Variants in CCDC149 observed in about 807,000 individuals in gnomAD.
CCDC149 encodes coiled-coil domain-containing protein 149.
A neutral mutation model predicts 59.9 loss-of-function variants in CCDC149; 45 were observed. The observed-to-expected ratio is 0.75, with a 90% confidence interval of 0.59 to 0.96. The LOEUF (loss-of-function observed/expected upper bound fraction) is 0.96. CCDC149 is among the 40% of genes least tolerant of loss of function. CCDC149 has a pLI of 0.00. For missense variants in CCDC149, 584 were observed against 664.7 expected (o/e 0.88, Z 1.33); for synonymous variants, 245 against 260.6 (o/e 0.94, Z 0.58).
Position 24,891,404 on chromosome 4 carries a change from A to C in CCDC149, c.64-14707T>G, listed in dbSNP as rs182174065. 1.4e-4 allele frequency among the ~76,000 whole-genome samples: 22 copies of C among 152,280 alleles called. No homozygotes were observed. The East Asian group carries it at 2.9e-3, about 20-fold the overall frequency. On this transcript the variant is annotated intron_variant, in intron 1 of 12. Coordinates refer to ENST00000635206, the MANE Select transcript of CCDC149 (RefSeq NM_001330643.2). ...AGGCTCCCATGGGTGACCCAAATTA[A>C]TTATGGCTTTCTGGGAAAATGGCAA...
chr4:24,973,750 C>G (rs541604096), intron 1 of CCDC149, among the ~76,000 whole-genome samples: 2 of 152,358 alleles, frequency 1.3e-5, no homozygotes, highest in Admixed American at 1.3e-4. Context: ...CCGGTCTGAA[C>G]TGAGTTTTGT....
chr4:24,819,240 C>A (rs1715203279), intron 12 of CCDC149, among the ~76,000 whole-genome samples: 1 of 152,242 alleles, frequency 6.6e-6, no homozygotes. Flanking sequence ...GAAACTGAGG[C>A]TGAAGTCTCC....
intron 1 of CCDC149, among the ~76,000 whole-genome samples, chr4:24,886,308 G>C (rs1006142292): frequency 5.3e-5 from 8 of 152,220 alleles, no homozygotes; most frequent in African/African-American, 1.4e-4. Flanking sequence ...CCAACCACCA[G>C]GTCTTGTTGC....
At chr4:24,911,788 C>G (rs1721885713) in intron 1 of CCDC149, among the ~76,000 whole-genome samples, 1 of 152,164 alleles carries the variant, frequency 6.6e-6, no homozygotes, top group Non-Finnish European at 1.5e-5. Context: ...GACCTGGAGA[C>G]CCAGAAAACG....
At chr4:24,852,943 A>G (rs1347072748) in intron 4 of CCDC149, 129 bp downstream of exon 4, 4 of 658,964 alleles carry the variant, frequency 6.1e-6, no homozygotes, top group Middle Eastern at 2.5e-4. Context: ...GCGAATTTTC[A>G]TTATAAATTT....
rs187591705 is a variant in CCDC149, at chr4:24,886,447, G to C, written c.64-9750C>G. Among the ~76,000 whole-genome samples the C allele has an allele frequency of 1.7e-4, 26 of 152,326 alleles. No homozygotes were observed. The East Asian group carries it at 4.6e-3, about 27-fold the overall frequency. On this transcript the variant is annotated intron_variant, in intron 1 of 12. Coordinates refer to ENST00000635206, the MANE Select transcript of CCDC149 (RefSeq NM_001330643.2). ...TCTCCAACAGCCTAAAGCAGATCAT[G>C]AGGAGTCTTTGCCTGGGCATCTGTC...
At chr4:24,804,171 G>A (rs192388284), downstream of CCDC149, among the ~76,000 whole-genome samples, 1 of 152,242 alleles carries the variant, frequency 6.6e-6, no homozygotes, top group East Asian at 1.9e-4. Flanking sequence ...TGAAAGCAGA[G>A]GAAGAAGGTA....
chr4:24,925,454 C>T (rs561741237), intron 1 of CCDC149, among the ~76,000 whole-genome samples: 1 of 152,264 alleles, frequency 6.6e-6, no homozygotes, highest in African/African-American at 2.4e-5. Flanking sequence ...TGTCTCTGTT[C>T]CTGTCCATCA....
Position 24,808,401 on chromosome 4 carries a change from G to A in CCDC149, c.1611C>T (p.Thr537=), listed in dbSNP as rs1053953799. ...ATCCCTCTCCCCTTCAGGTTTTCAC[G>A]GTGCTCCTCATGCCTCCGCCCTCTG... The change falls in exon 13 of 13, where the codon ACC becomes ACT. Residue 537 remains threonine, a synonymous_variant. Transcript: ENST00000635206. 1.1e-5 allele frequency: 16 copies of A among 1,448,910 alleles called. No homozygotes were observed. Among genetic ancestry groups the A allele is most frequent in the African/African-American group, 5.7e-5 (4 of 69,698 alleles). 89.8% of individuals were successfully genotyped at this position (1,448,910 alleles called of 1,614,324 possible).
intron 3 of CCDC149, among the ~76,000 whole-genome samples, chr4:24,862,777 G>A (rs1718461770): frequency 6.6e-6 from 1 of 152,106 alleles, no homozygotes; most frequent in South Asian, 2.1e-4. Flanking sequence ...ATCACTCAAA[G>A]CCCAAATCCC....
Position 24,853,135 on chromosome 4 carries a change from T to A in CCDC149, c.309A>T (p.Lys103Asn), listed in dbSNP as rs138212597. The change falls in exon 4 of 13, where the codon AAA (lysine) becomes AAT (asparagine). Residue 103 changes from lysine (K) to asparagine (N), a missense_variant. Transcript: ENST00000635206. ...GTTCTTTAATTTCTTCTCCCAGATGTTTATTTCGGTCCTGAGAATCTCTCA... is the reference window on the plus strand; with the variant it reads ...GTTCTTTAATTTCTTCTCCCAGATGATTATTTCGGTCCTGAGAATCTCTCA... 372 of 1,613,908 alleles carry A rather than the reference T, an allele frequency of 2.3e-4. 1 individual carries two copies. The African/African-American group carries it at 3.0e-3, about 13-fold the overall frequency.
intron 1 of CCDC149, 46 bp from the exon 2 acceptor site, chr4:24,876,743 G>T: frequency 1.3e-6 from 2 of 1,552,368 alleles, no homozygotes; most frequent in South Asian, 1.2e-5. Flanking sequence ...ACATCCATGG[G>T]CCTCCATTAA....
At chr4:24,960,729 G>C (rs1272263993) in intron 1 of CCDC149, among the ~76,000 whole-genome samples, 1 of 152,024 alleles carries the variant, frequency 6.6e-6, no homozygotes, top group Admixed American at 6.5e-5. Context: ...TTTAAGCTTC[G>C]AATAACAGAG....
At chr4:24,822,369 T>C (rs934865436) in intron 10 of CCDC149, 128 bp downstream of exon 10, 2 of 516,536 alleles carry the variant, frequency 3.9e-6, no homozygotes, top group African/African-American at 2.0e-5. Context: ...AGCAATGATC[T>C]ACTTTAAATA....
At chr4:24,873,857 A>ATAT in intron 2 of CCDC149, 138 bp from the exon 3 acceptor site, 6 of 633,972 alleles carry the variant, frequency 9.5e-6, no homozygotes, top group Non-Finnish European at 1.4e-5. Flanking sequence ...GTGCTGAAGC[A>ATAT]AGCTCAAATA....
intron 1 of CCDC149, among the ~76,000 whole-genome samples, chr4:24,912,193 G>A (rs1396780415): frequency 2.0e-5 from 3 of 152,228 alleles, no homozygotes; most frequent in Non-Finnish European, 4.4e-5. Flanking sequence ...AGGGCAGGGG[G>A]ACACGGTGTT....
chr4:24,879,224 C>T (rs1719671878), intron 1 of CCDC149, among the ~76,000 whole-genome samples: 1 of 152,118 alleles, frequency 6.6e-6, no homozygotes, highest in Admixed American at 6.5e-5. Flanking sequence ...CCCTAGAAAA[C>T]ACTGCTCTCT....
intron 1 of CCDC149, among the ~76,000 whole-genome samples, chr4:24,968,695 G>T (rs112765883): frequency 6.6e-6 from 1 of 152,194 alleles, no homozygotes; most frequent in African/African-American, 2.4e-5. Context: ...AACACCATAC[G>T]GTTTGAAACC....
At chr4:24,960,473 G>C (rs889809118) in intron 1 of CCDC149, among the ~76,000 whole-genome samples, 3 of 151,872 alleles carry the variant, frequency 2.0e-5, no homozygotes, top group African/African-American at 7.3e-5. Flanking sequence ...TTGTTGGATT[G>C]GATTAAAAAT....
Sources: gnomAD v4.1 joint callset for allele counts (sites outside exome capture counted in the v4.1 genomes callset) on GRCh38, gnomAD v4.1.1 for gene constraint, MANE v1.5 for transcripts, NCBI Gene and HGNC (gene_info 2026-07-23, HGNC 2026-07-21) for gene names.